Variants in HOMER1 observed in about 807,000 individuals in gnomAD.
HOMER1 encodes homer scaffold protein 1, also known as homer protein homolog 1.
A neutral mutation model predicts 48.9 loss-of-function variants in HOMER1; 3 were observed. That is an observed-to-expected ratio of 0.06 (90% CI 0.03 to 0.16). HOMER1 has a LOEUF of 0.16. HOMER1 is among the 10% of genes least tolerant of loss of function. HOMER1 has a pLI of 1.00. For synonymous variants in HOMER1, 134 were observed against 146.4 expected, an observed-to-expected ratio of 0.92 and a Z score of 0.61; for missense variants, 247 against 411.4, an observed-to-expected ratio of 0.60 and a Z score of 3.46.
intron 1 of HOMER1, among the ~76,000 whole-genome samples, chr5:79,489,334 G>C (rs899309755): frequency 6.6e-6 from 1 of 152,104 alleles, no homozygotes. Context: ...AAGAATACAC[G>C]GCCAAGCAAC....
chr5:79,497,951 T>G (rs1240845426), intron 1 of HOMER1, among the ~76,000 whole-genome samples: 2 of 152,168 alleles, frequency 1.3e-5, no homozygotes, highest in African/African-American at 4.8e-5. Context: ...CATCAAAAAC[T>G]CTGGTGGTAA....
At chr5:79,501,503 T>C (rs772835212) in intron 1 of HOMER1, among the ~76,000 whole-genome samples, 38 of 152,226 alleles carry the variant, frequency 2.5e-4, no homozygotes, top group Non-Finnish European at 4.3e-4. Flanking sequence ...AATTGTATAA[T>C]GCATTATGCG....
At chr5:79,452,159 T>C (rs1239769127) in intron 2 of HOMER1, among the ~76,000 whole-genome samples, 1 of 152,184 alleles carries the variant, frequency 6.6e-6, no homozygotes, top group African/African-American at 2.4e-5. Flanking sequence ...TATTTTTTGA[T>C]CCACGTATAA....
At chr5:79,510,304 GC>G in intron 1 of HOMER1, 1 of 384,364 alleles carries the variant, frequency 2.6e-6, no homozygotes, top group South Asian at 2.3e-5. Context: ...AATTAATTAT[GC>G]TAAGTGTCTA....
chr5:79,472,823 A>T (rs1751660818), intron 1 of HOMER1, among the ~76,000 whole-genome samples: 1 of 152,136 alleles, frequency 6.6e-6, no homozygotes, highest in Admixed American at 6.6e-5. Context: ...AGCCCTAGTG[A>T]TATTAGATTC....
intron 8 of HOMER1, among the ~76,000 whole-genome samples, chr5:79,381,238 T>A (rs912727077): frequency 1.3e-5 from 2 of 152,058 alleles, no homozygotes; most frequent in African/African-American, 4.8e-5. Flanking sequence ...ACAGGTACTA[T>A]TGATGCTATT....
chr5:79,440,012 C>T (rs1349314810), intron 4 of HOMER1, among the ~76,000 whole-genome samples: 2 of 151,956 alleles, frequency 1.3e-5, no homozygotes, highest in East Asian at 3.9e-4. Context: ...TAAAGAGCAG[C>T]TTGGTGGACC....
intron 8 of HOMER1, among the ~76,000 whole-genome samples, chr5:79,390,834 T>C (rs1749229924): frequency 6.6e-6 from 1 of 152,136 alleles, no homozygotes; most frequent in Non-Finnish European, 1.5e-5. Context: ...ATACCTTTCA[T>C]ACAGCTGTTG....
chr5:79,426,413 GTATATGTGGTAC>G (rs1222198165), intron 5 of HOMER1, among the ~76,000 whole-genome samples: 1 of 151,988 alleles, frequency 6.6e-6, no homozygotes, highest in Non-Finnish European at 1.5e-5. Context: ...ACCACACTGT[GTATATGTGGTAC>G]TATATGTGTT....
chr5:79,490,719 G>A (rs916167290), intron 1 of HOMER1, among the ~76,000 whole-genome samples: 2 of 149,210 alleles, frequency 1.3e-5, no homozygotes, highest in Admixed American at 1.3e-4. Flanking sequence ...ATCACTTGAG[G>A]CCAGGAGTTT....
Position 79,461,361 on chromosome 5 carries a change from A to C in HOMER1, c.6-4343T>G, listed in dbSNP as rs146719147. On this transcript the variant is annotated intron_variant, in intron 1 of 8. Transcript: ENST00000334082. ...CATAAACTGTATAAAACTCATAAATAAAGGTTAGACACTGCTTTCTTTACA... is the reference window on the plus strand; with the variant it reads ...CATAAACTGTATAAAACTCATAAATCAAGGTTAGACACTGCTTTCTTTACA... Among the ~76,000 whole-genome samples, 1,275 of 152,316 alleles carry C rather than the reference A, an allele frequency of 8.4e-3. 16 individuals carry two copies. The highest frequency in any genetic ancestry group is 0.029 in the African/African-American group (1,217 of 41,558).
chr5:79,400,082 T>TG (rs1390985306), intron 6 of HOMER1, among the ~76,000 whole-genome samples: 1 of 9,442 alleles, frequency 1.1e-4, no homozygotes, highest in Non-Finnish European at 1.8e-3. Context: ...ACAATTGTCA[T>TG]AAATTTTTTT....
chr5:79,414,733 G>A (rs993779707), intron 5 of HOMER1, among the ~76,000 whole-genome samples: 2 of 151,888 alleles, frequency 1.3e-5, no homozygotes, highest in African/African-American at 4.8e-5. Context: ...CACCTCCTCT[G>A]GTCCTTGTTT....
At chr5:79,394,863 C>T (rs1031580987) in intron 8 of HOMER1, among the ~76,000 whole-genome samples, 4 of 152,176 alleles carry the variant, frequency 2.6e-5, no homozygotes, top group Admixed American at 1.3e-4. Flanking sequence ...AGCAACTATG[C>T]CTGGCTTCAA....
chr5:79,452,180 A>G (rs1451654495), intron 2 of HOMER1, among the ~76,000 whole-genome samples: 1 of 152,228 alleles, frequency 6.6e-6, no homozygotes, highest in Non-Finnish European at 1.5e-5. Context: ...GTGAACCTGC[A>G]TAATTCAAAC....
chr5:79,465,822 T>C (rs1263742503), intron 1 of HOMER1, among the ~76,000 whole-genome samples: 1 of 152,066 alleles, frequency 6.6e-6, no homozygotes, highest in Non-Finnish European at 1.5e-5. Flanking sequence ...CTCGATCTCC[T>C]GTCCTCGTGA....
intron 8 of HOMER1, among the ~76,000 whole-genome samples, chr5:79,378,876 C>A (rs554986474): frequency 1.3e-5 from 2 of 151,380 alleles, no homozygotes; most frequent in South Asian, 4.2e-4. Flanking sequence ...TAGAATGAAT[C>A]CCCTACTCTA....
intron 5 of HOMER1, among the ~76,000 whole-genome samples, chr5:79,405,039 C>A (rs1181347262): frequency 6.6e-6 from 1 of 152,084 alleles, no homozygotes; most frequent in Non-Finnish European, 1.5e-5. Context: ...GTGCGTGAGG[C>A]TGAACTGTGT....
At chr5:79,510,660 TA>T in intron 1 of HOMER1, 1 of 922,998 alleles carries the variant, frequency 1.1e-6, no homozygotes, top group Non-Finnish European at 1.8e-6. Flanking sequence ...AAGGCCCTCC[TA>T]AAGCCCAAGG....
Sources: gnomAD v4.1 joint callset for allele counts (sites outside exome capture counted in the v4.1 genomes callset) on GRCh38, gnomAD v4.1.1 for gene constraint, MANE v1.5 for transcripts, NCBI Gene and HGNC (gene_info 2026-07-23, HGNC 2026-07-21) for gene names.